PTPRH: variants seen among roughly 807,000 people sequenced by gnomAD.
PTPRH encodes the protein receptor-type tyrosine-protein phosphatase H.
PTPRH carries 113 observed loss-of-function variants against 130.2 expected under a neutral mutation model. The observed-to-expected ratio is 0.87, with a 90% confidence interval of 0.75 to 1.01. PTPRH has a LOEUF of 1.01. PTPRH is among the 50% of genes least tolerant of loss of function. The pLI is 0.00. For missense variants in PTPRH, 1,430 were observed against 1,425.0 expected, an observed-to-expected ratio of 1.00 and a Z score of -0.06; for synonymous variants, 556 against 577.9, an observed-to-expected ratio of 0.96 and a Z score of 0.54.
Position 55,186,153 on chromosome 19 carries a change from G to T in PTPRH, c.2778+72C>A, listed in dbSNP as rs541523039. 1.9e-6 allele frequency: 3 copies of T among 1,573,628 alleles called. No homozygotes were observed. The Admixed American group carries it at 5.2e-5, about 27-fold the overall frequency. ...GGAGGAATCCGTAAGGTCTGGGTGT[G>T]GGGTCTACATTGGATGAGTGTTCGG... On this transcript the variant is annotated intron_variant, in intron 16 of 19. Transcript: ENST00000376350.
In PTPRH at chr19:55,181,399, C is replaced by G. The variant is rs148669108; in HGVS notation, c.*355G>C. 1 of 223,964 alleles carries G rather than the reference C, an allele frequency of 4.5e-6. No individual in the cohort carries two copies. The highest frequency in any genetic ancestry group is 1.8e-3 in the Middle Eastern group (1 of 562). The allele number at this position is 223,964 out of a possible 1,614,324, so 13.9% of individuals were successfully genotyped here. A position where few individuals can be genotyped will look rare whatever the true frequency, so the allele number is the denominator to read the frequency against. On this transcript the variant is annotated 3_prime_UTR_variant, in exon 20 of 20. Coordinates refer to ENST00000376350, the MANE Select transcript of PTPRH (RefSeq NM_002842.5). ...TCTGAAGTAAAATCAAGGCAGGATC[C>G]TTCCTGCCTTTGGTCCTCAAGTAGC...
chr19:55,206,923 T>G lies in PTPRH; in HGVS notation c.118A>C (p.Thr40Pro). Reference sequence around the variant, plus strand: ...AGGGAGATGGAGCTGGTGGTCTGAGTCTCCACTGTCAGGTTCCTCCCTGGG... The same window carrying G: ...AGGGAGATGGAGCTGGTGGTCTGAGGCTCCACTGTCAGGTTCCTCCCTGGG... ...PNPGRNLTVE[T>P]QTTSSISLSW... The change falls in exon 3 of 20, where the codon ACT (threonine) becomes CCT (proline). Residue 40 changes from threonine (T) to proline (P), a missense_variant. Thr to Pro is a conservative substitution (Grantham distance 38, BLOSUM62 -1). Coordinates refer to ENST00000376350, the MANE Select transcript of PTPRH (RefSeq NM_002842.5). The G allele has an allele frequency of 6.2e-7, 1 of 1,608,524 alleles. No homozygotes were observed. Among genetic ancestry groups the G allele is most frequent in the Non-Finnish European group, 8.5e-7 (1 of 1,176,472 alleles).
intron 6 of PTPRH, among the ~76,000 whole-genome samples, chr19:55,201,480 A>AG (rs1270714934): frequency 6.6e-6 from 1 of 152,226 alleles, no homozygotes; most frequent in Non-Finnish European, 1.5e-5. Context: ...TGGAGGATGA[A>AG]GGGGGGACTG....
At position 55,181,418 on chromosome 19, in the gene PTPRH, A is replaced by G. The variant is rs550043873; in HGVS notation, c.*336T>C. On this transcript the variant is annotated 3_prime_UTR_variant, in exon 20 of 20. Transcript: ENST00000376350. The stretch of plus-strand genomic sequence containing the variant: ...AGGATCCTTCCTGCCTTTGGTCCTC[A>G]AGTAGCCAGAACTCCAGACCCAAAT... The G allele has an allele frequency of 2.0e-5, 5 of 255,496 alleles. No homozygotes were observed. In the East Asian group the frequency reaches 3.2e-4, roughly 16 times the overall value. 15.8% of individuals were successfully genotyped at this position (255,496 alleles called of 1,614,324 possible).
chr19:55,186,865 T>A (rs1025802007), intron 14 of PTPRH, among the ~76,000 whole-genome samples: 16 of 151,280 alleles, frequency 1.1e-4, no homozygotes, highest in African/African-American at 3.4e-4. Flanking sequence ...GCCAACATGG[T>A]GAAACCCGGT....
intron 4 of PTPRH, among the ~76,000 whole-genome samples, chr19:55,204,907 G>T (rs1409661681): frequency 6.6e-6 from 1 of 152,164 alleles, no homozygotes; most frequent in African/African-American, 2.4e-5. Context: ...GGACAATGGA[G>T]ATCTAGCCAG....
At chr19:55,202,398 C>T in intron 5 of PTPRH, 76 bp from the exon 6 acceptor site, 1 of 1,577,310 alleles carries the variant, frequency 6.3e-7, no homozygotes, top group Non-Finnish European at 8.6e-7. Context: ...TTAACCATTG[C>T]ATCCAGCAGG....
rs1190723284 is a variant in PTPRH at position 55,205,490 on chromosome 19, T to A, written c.455A>T (p.Tyr152Phe). The A allele has an allele frequency of 6.2e-7, 1 of 1,614,036 alleles. No homozygotes were observed. The highest frequency in any genetic ancestry group is 8.5e-7 in the Non-Finnish European group (1 of 1,180,032). The change falls in exon 4 of 20, where the codon TAC becomes TTC. Residue 152 changes from tyrosine to phenylalanine, a missense_variant. Physicochemically the swap from Tyr to Phe is conservative, Grantham distance 22. Coordinates refer to ENST00000376350, the MANE Select transcript of PTPRH (RefSeq NM_002842.5). ...ACCATCTCCAGTGTACTCAACCCCG[T>A]AGGTGGAGTTCTGTGGGTCTGGGCC... Reference protein sequence around the residue: ...PDGPDPQNSTYGVEYTGDGGR... With the variant: ...PDGPDPQNSTFGVEYTGDGGR...
intron 10 of PTPRH, chr19:55,194,253 T>A (rs1356461802): frequency 1.6e-6 from 2 of 1,289,770 alleles, no homozygotes; most frequent in Non-Finnish European, 2.0e-6. Context: ...CTATGGCCCA[T>A]CTTCATCAGC....
At chr19:55,188,748 A>G (rs2086440412) in intron 12 of PTPRH, among the ~76,000 whole-genome samples, 1 of 152,242 alleles carries the variant, frequency 6.6e-6, no homozygotes, top group Admixed American at 6.5e-5. Context: ...GCTCAGCAGC[A>G]TTTAGCACCA....
In PTPRH at chr19:55,181,852, CTGACTG is replaced by C; in HGVS notation, c.3244_3249del (p.Gln1082_Ser1083del). 2 of 1,614,184 alleles carry C rather than the reference CTGACTG, an allele frequency of 1.2e-6. No homozygotes were observed. The highest frequency in any genetic ancestry group is 1.7e-6 in the Non-Finnish European group (2 of 1,180,030). On this transcript the variant is annotated inframe_deletion, in exon 20 of 20. Coordinates refer to ENST00000376350, the MANE Select transcript of PTPRH (RefSeq NM_002842.5). ...ACTTCCTTCTCGGCTGGGGCCTGGG[CTGACTG>C]TTGGAGGAACCGCAGGATGCACTGA...
intron 17 of PTPRH, 63 bp from the exon 18 acceptor site, chr19:55,185,725 C>G: frequency 1.3e-6 from 2 of 1,597,848 alleles, no homozygotes; most frequent in Non-Finnish European, 1.7e-6. Flanking sequence ...GCTTCTAGCA[C>G]CAGGAGCGGG....
rs1004637891 is a variant in PTPRH, at chr19:55,207,312, G to C, written c.52-113C>G. 5.9e-6 allele frequency: 7 copies of C among 1,177,462 alleles called. No individual in the cohort carries two copies. The African/African-American group carries it at 9.2e-5, about 15-fold the overall frequency. The allele number at this position is 1,177,462 out of a possible 1,614,324, so 72.9% of individuals were successfully genotyped here. ...CCGCCCCATGAGTCACCCTTGCATG[G>C]GAAGGAGGGGCCGGTGTTAGGCTGG... On this transcript the variant is annotated intron_variant, in intron 1 of 19. Coordinates refer to ENST00000376350, the MANE Select transcript of PTPRH (RefSeq NM_002842.5).
rs773123447 is a variant in PTPRH, at chr19:55,196,534, T to C, written c.2245A>G (p.Thr749Ala). The C allele has an allele frequency of 1.2e-6, 2 of 1,611,476 alleles. No individual in the cohort carries two copies. Among genetic ancestry groups the C allele is most frequent in the Non-Finnish European group, 1.7e-6 (2 of 1,179,416 alleles). ...CGGCTCCGCTCACCTGCACTCTCGGTGTGGCAGACCACAGAGTGAGACACG... is the reference window on the plus strand; with the variant it reads ...CGGCTCCGCTCACCTGCACTCTCGGCGTGGCAGACCACAGAGTGAGACACG... ...KVVSHSVVCH[T>A]ESAGVIAGAF... Residue 749 changes from threonine (T) to alanine (A), a missense_variant, in exon 10 of 20, where the codon ACC (threonine) becomes GCC (alanine). Physicochemically the swap from Thr to Ala is moderately conservative, Grantham distance 58. Coordinates refer to ENST00000376350, the MANE Select transcript of PTPRH (RefSeq NM_002842.5).
rs960006761 is a variant in PTPRH, at chr19:55,199,097, G to A, written c.1421-185C>T. Among the ~76,000 whole-genome samples the A allele has an allele frequency of 1.3e-5, 2 of 152,076 alleles. 1 individual carries two copies. The highest frequency in any genetic ancestry group is 4.2e-4 in the South Asian group (2 of 4,814). On this transcript the variant is annotated intron_variant, in intron 7 of 19. Transcript: ENST00000376350. ...AACCGGGAGGGTTGCCTGAGCCTGG[G>A]AATTTGATACCAGCCTGAGCAAAAT...
At chr19:55,201,515 G>A (rs2122218204) in intron 6 of PTPRH, among the ~76,000 whole-genome samples, 1 of 152,348 alleles carries the variant, frequency 6.6e-6, no homozygotes, top group South Asian at 2.1e-4. Flanking sequence ...GGCCTTTTGA[G>A]CACATGAAAT....
At position 55,197,187 on chromosome 19, in the gene PTPRH, C is replaced by G; in HGVS notation, c.1920G>C (p.Leu640Phe). ...YKVEALEPGT[L>F]YNFTVWAERN... ...TCTCTGCCCACACGGTGAAATTGTA[C>G]AACGTCCCGGGTTCCAGGGCCTCCA... The change falls in exon 9 of 20, where the codon TTG becomes TTC. Residue 640 changes from leucine to phenylalanine, a missense_variant. Coordinates refer to ENST00000376350, the MANE Select transcript of PTPRH (RefSeq NM_002842.5). 1.2e-6 allele frequency: 2 copies of G among 1,614,252 alleles called. No individual in the cohort carries two copies. Among genetic ancestry groups the G allele is most frequent in the Middle Eastern group, 1.6e-4 (1 of 6,062 alleles).
rs781272266 is a variant in PTPRH at position 55,181,840 on chromosome 19, C to T, written c.3262G>A (p.Ala1088Thr). The change falls in exon 20 of 20, where the codon GCC becomes ACC. Residue 1088 changes from alanine (A) to threonine (T), a missense_variant. By Grantham distance (58) the Ala-to-Thr change is moderately conservative. Transcript: ENST00000376350. ...TCCTCATACGGGACTTCCTTCTCGG[C>T]TGGGGCCTGGGCTGACTGTTGGAGG... ...RFLQQSAQAP[A>T]EKEVPYEDVE... 2 of 1,614,204 alleles carry T rather than the reference C, an allele frequency of 1.2e-6. No homozygotes were observed. Among genetic ancestry groups the T allele is most frequent in the Non-Finnish European group, 1.7e-6 (2 of 1,180,034 alleles).
At chr19:55,201,662 T>C (rs1298893727) in intron 6 of PTPRH, among the ~76,000 whole-genome samples, 1 of 152,218 alleles carries the variant, frequency 6.6e-6, no homozygotes, top group African/African-American at 2.4e-5. Context: ...GAGCTGATGA[T>C]CTGAGTTTCC....
Sources: gnomAD v4.1 joint callset for allele counts (sites outside exome capture counted in the v4.1 genomes callset) on GRCh38, gnomAD v4.1.1 for gene constraint, MANE v1.5 for transcripts, NCBI Gene and HGNC (gene_info 2026-07-23, HGNC 2026-07-21) for gene names.